CSMD3: variants seen among roughly 807,000 people sequenced by gnomAD.
The protein encoded by CSMD3 is CUB and sushi domain-containing protein 3.
CSMD3 carries 177 observed loss-of-function variants against 435.2 expected under a neutral mutation model. That is an observed-to-expected ratio of 0.41 (90% CI 0.36 to 0.46). The LOEUF (loss-of-function observed/expected upper bound fraction) is 0.46. Ranked by LOEUF, CSMD3 falls within the 20% of genes least tolerant of loss-of-function variation. The probability of loss-of-function intolerance (pLI) is 0.34; values close to 1 mark genes in which losing one functional copy is unlikely to be tolerated. For missense variants in CSMD3, 4,265 were observed against 4,504.6 expected, an observed-to-expected ratio of 0.95 and a Z score of 1.52; for synonymous variants, 1,656 against 1,520.5, an observed-to-expected ratio of 1.09 and a Z score of -2.07.
intron 13 of CSMD3, among the ~76,000 whole-genome samples, chr8:112,741,555 G>C (rs760525143): frequency 5.3e-4 from 80 of 151,884 alleles, no homozygotes; most frequent in Admixed American, 2.6e-3. Context: ...ACCGCCCAAA[G>C]GGCCCACCTC....
intron 41 of CSMD3, among the ~76,000 whole-genome samples, chr8:112,345,768 A>C (rs2131020108): frequency 6.6e-6 from 1 of 152,246 alleles, no homozygotes; most frequent in East Asian, 1.9e-4. Flanking sequence ...AACTTTATTT[A>C]GTTCTTCCAA....
Position 113,376,615 on chromosome 8 carries a change from A to G in CSMD3, c.178+60062T>C, listed in dbSNP as rs1588626635. On this transcript the variant is annotated intron_variant, in intron 1 of 70. Coordinates refer to ENST00000297405, the MANE Select transcript of CSMD3 (RefSeq NM_198123.2). ...ATCCAATTTTTTTTAATCCTCATCA[A>G]AAGAAAGTTTACCACTCTCTCTTTC... 3 of 1,102,576 alleles carry G rather than the reference A, an allele frequency of 2.7e-6. No homozygotes were observed. In the East Asian group the frequency reaches 7.4e-5, roughly 27 times the overall value. The allele number at this position is 1,102,576 out of a possible 1,614,324, so 68.3% of individuals were successfully genotyped here.
chr8:113,204,359 T>C (rs1056356896), intron 3 of CSMD3, among the ~76,000 whole-genome samples: 3 of 152,162 alleles, frequency 2.0e-5, no homozygotes, highest in South Asian at 2.1e-4. Context: ...CCAGGTACTG[T>C]TCATTTTTTA....
intron 11 of CSMD3, among the ~76,000 whole-genome samples, chr8:112,830,119 A>C (rs1310400350): frequency 6.6e-5 from 10 of 152,192 alleles, no homozygotes; most frequent in Non-Finnish European, 1.3e-4. Flanking sequence ...TGATTAAAGC[A>C]AATCTACTTT....
intron 30 of CSMD3, among the ~76,000 whole-genome samples, chr8:112,498,823 A>G (rs1821641468): frequency 7.5e-6 from 1 of 134,200 alleles, no homozygotes; most frequent in Admixed American, 7.7e-5. Flanking sequence ...CATGTATAAA[A>G]TTTAGAACAG....
intron 22 of CSMD3, among the ~76,000 whole-genome samples, chr8:112,598,722 A>C (rs1832011212): frequency 6.6e-6 from 1 of 150,818 alleles, no homozygotes; most frequent in African/African-American, 2.4e-5. Context: ...CCGCATATCT[A>C]CAACTATCTG....
At chr8:113,405,367 G>A (rs1309035436) in intron 1 of CSMD3, among the ~76,000 whole-genome samples, 2 of 151,442 alleles carry the variant, frequency 1.3e-5, no homozygotes, top group Non-Finnish European at 3.0e-5. Context: ...TGTCTTATTT[G>A]CTAACCAATA....
At chr8:113,434,153 G>A (rs1310407061) in intron 1 of CSMD3, among the ~76,000 whole-genome samples, 1 of 152,172 alleles carries the variant, frequency 6.6e-6, no homozygotes, top group Non-Finnish European at 1.5e-5. Flanking sequence ...AAGGTGAGAT[G>A]GTGGAGGGAT....
chr8:113,134,223 A>C (rs959189568), intron 4 of CSMD3, among the ~76,000 whole-genome samples: 1 of 152,042 alleles, frequency 6.6e-6, no homozygotes, highest in Admixed American at 6.6e-5. Context: ...TCTTTCCAGC[A>C]TTTTGTCACT....
intron 34 of CSMD3, among the ~76,000 whole-genome samples, chr8:112,407,001 T>C (rs1406001586): frequency 6.6e-6 from 1 of 151,972 alleles, no homozygotes; most frequent in Non-Finnish European, 1.5e-5. Flanking sequence ...TCATTAATAT[T>C]ACAAAATAGT....
chr8:112,423,202 T>C (rs1029619391), intron 32 of CSMD3, among the ~76,000 whole-genome samples: 10 of 152,062 alleles, frequency 6.6e-5, no homozygotes, highest in African/African-American at 2.2e-4. Context: ...AGAGCAAAAA[T>C]ATAATAATTT....
At chr8:113,017,436 G>A (rs2086507905) in intron 6 of CSMD3, among the ~76,000 whole-genome samples, 1 of 82,454 alleles carries the variant, frequency 1.2e-5, no homozygotes, top group Non-Finnish European at 2.0e-5. Flanking sequence ...ATTTGAGGTA[G>A]GAGATCTATT....
chr8:113,198,778 A>G (rs2132020644), intron 3 of CSMD3, among the ~76,000 whole-genome samples: 1 of 151,290 alleles, frequency 6.6e-6, no homozygotes, highest in South Asian at 2.1e-4. Context: ...CATTTTGGAA[A>G]CTGCAGCCCA....
intron 45 of CSMD3, among the ~76,000 whole-genome samples, chr8:112,324,576 TGTGTGG>T (rs1200751615): frequency 9.3e-5 from 14 of 151,082 alleles, no homozygotes; most frequent in Non-Finnish European, 2.1e-4. Context: ...AAGGGGTGTG[TGTGTGG>T]GTGTGTGTGT....
intron 10 of CSMD3, among the ~76,000 whole-genome samples, chr8:112,877,289 A>G (rs1399237599): frequency 6.6e-6 from 1 of 151,876 alleles, no homozygotes; most frequent in African/African-American, 2.4e-5. Flanking sequence ...TAATTTGAGA[A>G]AGTTTCACTC....
At chr8:112,612,431 G>A (rs1209226820) in intron 22 of CSMD3, among the ~76,000 whole-genome samples, 1 of 151,964 alleles carries the variant, frequency 6.6e-6, no homozygotes, top group Non-Finnish European at 1.5e-5. Flanking sequence ...CAAATGGTGT[G>A]GGATTAAGAA....
intron 32 of CSMD3, among the ~76,000 whole-genome samples, chr8:112,434,154 G>T (rs927597024): frequency 6.6e-6 from 1 of 152,104 alleles, no homozygotes; most frequent in Non-Finnish European, 1.5e-5. Flanking sequence ...AAATCTGACA[G>T]ATGTGAGCTG....
At chr8:112,468,238 T>G (rs1430281126) in intron 32 of CSMD3, among the ~76,000 whole-genome samples, 2 of 148,492 alleles carry the variant, frequency 1.3e-5, no homozygotes, top group African/African-American at 5.0e-5. Flanking sequence ...TAAAGTATTT[T>G]TTTTTTTTTT....
At chr8:113,300,725 A>G in intron 2 of CSMD3, among the ~76,000 whole-genome samples, 1 of 152,076 alleles carries the variant, frequency 6.6e-6, no homozygotes, top group Non-Finnish European at 1.5e-5. Context: ...CTGAAAAACT[A>G]CCTATAAGTA....
Sources: gnomAD v4.1 joint callset for allele counts (sites outside exome capture counted in the v4.1 genomes callset) on GRCh38, gnomAD v4.1.1 for gene constraint, MANE v1.5 for transcripts, NCBI Gene and HGNC (gene_info 2026-07-23, HGNC 2026-07-21) for gene names.